CRB1: variants seen among roughly 807,000 people sequenced by gnomAD.
CRB1 encodes crumbs cell polarity complex component 1.
A neutral mutation model predicts 120.0 loss-of-function variants in CRB1; 83 were observed. The observed-to-expected ratio is 0.69, with a 90% CI of 0.58 to 0.83. The LOEUF (loss-of-function observed/expected upper bound fraction) is 0.83. Ranked by LOEUF, CRB1 falls within the 40% of genes least tolerant of loss-of-function variation. The pLI is 0.00. For missense variants in CRB1, 1,699 were observed against 1,687.6 expected (o/e 1.01, Z -0.12); for synonymous variants, 625 against 612.5 (o/e 1.02, Z -0.30).
At chr1:197,247,543 A>G in the CRB1 span, among the ~76,000 whole-genome samples, 1 of 152,074 alleles carries the variant, frequency 6.6e-6, no homozygotes, top group Non-Finnish European at 1.5e-5. Flanking sequence ...TAGAAGCTTC[A>G]TTAGTAAGAA....
the CRB1 span, among the ~76,000 whole-genome samples, chr1:197,246,563 C>T: frequency 1.3e-5 from 2 of 151,678 alleles, no homozygotes; most frequent in East Asian, 3.9e-4. Flanking sequence ...ATAAAATGTC[C>T]AAGGTTTCTA....
chr1:197,300,898 C>A (rs1478921864), intron 1 of CRB1, among the ~76,000 whole-genome samples: 2 of 151,922 alleles, frequency 1.3e-5, no homozygotes, highest in East Asian at 3.9e-4. Context: ...AGGCCCCTTA[C>A]AAATGGTGCT....
the CRB1 span, among the ~76,000 whole-genome samples, chr1:197,206,715 G>A: frequency 6.6e-6 from 1 of 152,084 alleles, no homozygotes; most frequent in Non-Finnish European, 1.5e-5. Context: ...TTCTGTAGTT[G>A]TTGGGTAGAA....
At chr1:197,240,156 A>G in the CRB1 span, among the ~76,000 whole-genome samples, 1 of 152,114 alleles carries the variant, frequency 6.6e-6, no homozygotes, top group African/African-American at 2.4e-5. Flanking sequence ...ATTTTTGCTT[A>G]CCATGTCTTT....
intron 5 of CRB1, among the ~76,000 whole-genome samples, chr1:197,386,871 T>A (rs1662242637): frequency 6.6e-6 from 1 of 152,156 alleles, no homozygotes; most frequent in African/African-American, 2.4e-5. Flanking sequence ...CTGTCAATTG[T>A]TAATAATTTT....
the CRB1 span, among the ~76,000 whole-genome samples, chr1:197,214,528 G>C: frequency 7.2e-5 from 11 of 152,156 alleles, no homozygotes; most frequent in Non-Finnish European, 1.6e-4. Context: ...TGGATCCTGA[G>C]GGATGACTAT....
intron 11 of CRB1, among the ~76,000 whole-genome samples, chr1:197,476,397 T>TGTGCGC (rs1553269046): frequency 6.2e-5 from 9 of 146,016 alleles, no homozygotes; most frequent in South Asian, 2.2e-4. Flanking sequence ...TGTGTGTGTG[T>TGTGCGC]GCGCGTCTTC....
Position 197,326,262 on chromosome 1 carries a change from T to A in CRB1, c.71-2160T>A, listed in dbSNP as rs558530077. Among the ~76,000 whole-genome samples the A allele has an allele frequency of 4.2e-4, 64 of 152,244 alleles. No homozygotes were observed. The South Asian group carries it at 0.013, about 31-fold the overall frequency. ...ACAGCAGATGCTCTGAACAATTAAGTCCTTATCACAACTCAAATTCCATAG... is the reference window on the plus strand; with the variant it reads ...ACAGCAGATGCTCTGAACAATTAAGACCTTATCACAACTCAAATTCCATAG... On this transcript the variant is annotated intron_variant, in intron 1 of 11. Coordinates refer to ENST00000367400, the MANE Select transcript of CRB1 (RefSeq NM_201253.3).
intron 5 of CRB1, among the ~76,000 whole-genome samples, chr1:197,369,535 A>G (rs945487526): frequency 3.3e-5 from 5 of 152,182 alleles, no homozygotes; most frequent in Non-Finnish European, 7.3e-5. Flanking sequence ...CATTGGCAAA[A>G]AAAACTACCC....
At chr1:197,302,331 A>G (rs1346253733) in intron 1 of CRB1, among the ~76,000 whole-genome samples, 1 of 152,200 alleles carries the variant, frequency 6.6e-6, no homozygotes, top group East Asian at 1.9e-4. Context: ...GGCATAATGC[A>G]ATGGTACACT....
At position 197,427,455 on chromosome 1, in the gene CRB1, G is replaced by C. The variant is rs1373273006; in HGVS notation, c.2130G>C (p.Glu710Asp). ...RPYEGPNCLR[E>D]YVAGRFGQDD... ...TCCTCCTCTATTTTGACATTGAAGA[G>C]TATGTGGCAGGCAGATTTGGCCAGG... The change falls in exon 7 of 12, where the codon GAG becomes GAC. Residue 710 changes from glutamate (E) to aspartate (D), a missense_variant and splice_region_variant. By Grantham distance (45) the Glu-to-Asp change is conservative (BLOSUM62 2). Coordinates refer to ENST00000367400, the MANE Select transcript of CRB1 (RefSeq NM_201253.3). 1 of 1,613,470 alleles carries C rather than the reference G, an allele frequency of 6.2e-7. No individual in the cohort carries two copies. The highest frequency in any genetic ancestry group is 2.2e-5 in the East Asian group (1 of 44,868).
intron 8 of CRB1, among the ~76,000 whole-genome samples, chr1:197,430,771 A>G (rs1664833128): frequency 6.6e-6 from 1 of 152,190 alleles, no homozygotes; most frequent in Non-Finnish European, 1.5e-5. Context: ...TAAGCTTCAC[A>G]AGGCAAGAAA....
chr1:197,424,430 T>G (rs192898528), intron 6 of CRB1, among the ~76,000 whole-genome samples: 1 of 152,286 alleles, frequency 6.6e-6, no homozygotes, highest in Admixed American at 6.5e-5. Flanking sequence ...ATCACTTCTA[T>G]TCAGGCTAAA....
chr1:197,230,241 G>A, the CRB1 span, among the ~76,000 whole-genome samples: 1 of 152,096 alleles, frequency 6.6e-6, no homozygotes, highest in Admixed American at 6.6e-5. Flanking sequence ...TAGAATTATT[G>A]CATTGAATTA....
At chr1:197,368,115 T>G (rs1190140957) in intron 5 of CRB1, among the ~76,000 whole-genome samples, 1 of 152,232 alleles carries the variant, frequency 6.6e-6, no homozygotes, top group African/African-American at 2.4e-5. Context: ...TAGGCAATGG[T>G]ACAGTCAATA....
Position 197,375,659 on chromosome 1 carries a change from C to T in CRB1, c.1171+18646C>T, listed in dbSNP as rs545947147. Among the ~76,000 whole-genome samples the T allele has an allele frequency of 2.0e-5, 3 of 152,270 alleles. No individual in the cohort carries two copies. The East Asian group carries it at 5.8e-4, about 29-fold the overall frequency. On this transcript the variant is annotated intron_variant, in intron 5 of 11. Coordinates refer to ENST00000367400, the MANE Select transcript of CRB1 (RefSeq NM_201253.3). Reference sequence around the variant, plus strand: ...TGTTTGGACTACTTTTCCATTACAACATTCCCACCTGAAGTTTACTTATGC... The same window carrying T: ...TGTTTGGACTACTTTTCCATTACAATATTCCCACCTGAAGTTTACTTATGC...
intron 11 of CRB1, among the ~76,000 whole-genome samples, chr1:197,455,136 A>G (rs1310236527): frequency 6.6e-6 from 1 of 152,148 alleles, no homozygotes; most frequent in Non-Finnish European, 1.5e-5. Flanking sequence ...GCCTAAACTG[A>G]TACTGTTCTG....
the CRB1 span, among the ~76,000 whole-genome samples, chr1:197,239,328 C>T: frequency 6.6e-6 from 1 of 152,002 alleles, no homozygotes; most frequent in East Asian, 1.9e-4. Context: ...TTAAAATTCC[C>T]AACTATAATT....
chr1:197,369,673 A>G (rs1661269676), intron 5 of CRB1, among the ~76,000 whole-genome samples: 1 of 152,098 alleles, frequency 6.6e-6, no homozygotes, highest in Admixed American at 6.5e-5. Context: ...TCAGTCACCC[A>G]CTGAAGTCCC....
Sources: gnomAD v4.1 joint callset for allele counts (sites outside exome capture counted in the v4.1 genomes callset) on GRCh38, gnomAD v4.1.1 for gene constraint, MANE v1.5 for transcripts, NCBI Gene and HGNC (gene_info 2026-07-23, HGNC 2026-07-21) for gene names.